The following RNF144A variants were observed in gnomAD, a reference collection of about 807,000 sequenced individuals.
RNF144A encodes the protein ring finger protein 144A.
A neutral mutation model predicts 38.7 loss-of-function variants in RNF144A; 11 were observed. The ratio of observed to expected loss-of-function variants is 0.28; its 90% CI spans 0.18 to 0.47. RNF144A has a LOEUF of 0.47. RNF144A is among the 20% of genes least tolerant of loss of function. The pLI is 0.99. For synonymous variants in RNF144A, 149 were observed against 143.9 expected (o/e 1.04, Z -0.25); for missense variants, 316 against 377.2 (o/e 0.84, Z 1.34).
At chr2:6,924,098 T>C (rs1007641764) in intron 1 of RNF144A, among the ~76,000 whole-genome samples, 2 of 152,194 alleles carry the variant, frequency 1.3e-5, no homozygotes, top group Non-Finnish European at 2.9e-5. Context: ...AGGTTCTCTC[T>C]TTAGGTCAGG....
chr2:7,024,339 T>C, intron 6 of RNF144A, 30 bp from the exon 7 acceptor site: 1 of 1,577,648 alleles, frequency 6.3e-7, no homozygotes, highest in Non-Finnish European at 8.7e-7. Flanking sequence ...GATCCGTTTG[T>C]GCAGAGTCCT....
chr2:6,922,341 G>A (rs1419988635), intron 1 of RNF144A, among the ~76,000 whole-genome samples: 2 of 152,214 alleles, frequency 1.3e-5, no homozygotes, highest in African/African-American at 4.8e-5. Flanking sequence ...AAAAGGGAAG[G>A]GTTCCAAGTC....
chr2:7,038,440 C>T (rs1398228123), intron 8 of RNF144A, among the ~76,000 whole-genome samples: 2 of 152,132 alleles, frequency 1.3e-5, no homozygotes, highest in Admixed American at 1.3e-4. Flanking sequence ...TCTTTTTCTG[C>T]CAGACAGGGT....
intron 1 of RNF144A, among the ~76,000 whole-genome samples, chr2:6,924,558 G>C (rs1245938442): frequency 6.6e-6 from 1 of 152,204 alleles, no homozygotes; most frequent in African/African-American, 2.4e-5. Flanking sequence ...AGGACGGGCA[G>C]GGTTTGTTCT....
intron 2 of RNF144A, among the ~76,000 whole-genome samples, chr2:6,978,116 G>A (rs376624181): frequency 4.6e-5 from 7 of 152,286 alleles, no homozygotes; most frequent in Middle Eastern, 3.4e-3. Flanking sequence ...GGGCACCCTC[G>A]TGAGGTAAAG....
At chr2:7,049,983 G>A (rs1246793713) in intron 6 of RNF144A, among the ~76,000 whole-genome samples, 1 of 152,138 alleles carries the variant, frequency 6.6e-6, no homozygotes, top group Admixed American at 6.5e-5. Context: ...CAATCTCCTC[G>A]GCTTTTTCAG....
chr2:6,980,684 C>A (rs964737505), intron 2 of RNF144A, among the ~76,000 whole-genome samples: 1 of 152,212 alleles, frequency 6.6e-6, no homozygotes, highest in East Asian at 1.9e-4. Context: ...CCAGTGCAAG[C>A]TGTTGGTGGA....
chr2:6,967,219 C>A (rs901501176), intron 2 of RNF144A, among the ~76,000 whole-genome samples: 4 of 152,240 alleles, frequency 2.6e-5, no homozygotes, highest in African/African-American at 9.6e-5. Context: ...CATCACTATG[C>A]ATGTAGGTCA....
intron 5 of RNF144A, 138 bp from the exon 6 acceptor site, chr2:7,020,335 T>G: frequency 1.4e-6 from 1 of 715,012 alleles, no homozygotes; most frequent in Non-Finnish European, 2.4e-6. Context: ...TGGGCGGTGC[T>G]TCGGTTGGGG....
rs1671012084 is a variant in RNF144A, at chr2:7,014,486, A to G, written c.168A>G (p.Lys56=). The G allele has an allele frequency of 6.2e-7, 1 of 1,612,328 alleles. No individual in the cohort carries two copies. The highest frequency in any genetic ancestry group is 1.7e-5 in the Admixed American group (1 of 59,634). Residue 56 remains lysine, a synonymous_variant, in exon 4 of 9, where the codon AAA becomes AAG. Coordinates refer to ENST00000320892, the MANE Select transcript of RNF144A (RefSeq NM_014746.6). ...AACAGTATGTTGAGCTCTTGATCAA[A>G]GAAGGATTAGAAACCGCAATTAGCT... The part of the protein sequence containing the change: ...CLKQYVELLI[K]EGLETAISCP...
chr2:7,054,820 C>G (rs1673668207), intron 6 of RNF144A, among the ~76,000 whole-genome samples: 2 of 152,164 alleles, frequency 1.3e-5, no homozygotes, highest in Non-Finnish European at 2.9e-5. Context: ...ATTACCCAGT[C>G]TAAGGTATTT....
At chr2:6,991,954 T>C (rs545907168) in intron 2 of RNF144A, among the ~76,000 whole-genome samples, 1 of 152,306 alleles carries the variant, frequency 6.6e-6, no homozygotes, top group Non-Finnish European at 1.5e-5. Flanking sequence ...TTCACACATA[T>C]GTCAGACTTT....
intron 1 of RNF144A, among the ~76,000 whole-genome samples, chr2:6,935,963 C>G (rs1665546969): frequency 6.6e-6 from 1 of 152,266 alleles, no homozygotes; most frequent in South Asian, 2.1e-4. Context: ...GCCTCCCTTC[C>G]TTTCTCCCAT....
the RNF144A span, among the ~76,000 whole-genome samples, chr2:7,074,221 C>G: frequency 1.2e-4 from 19 of 152,164 alleles, no homozygotes; most frequent in Non-Finnish European, 1.9e-4. Context: ...TTTCCAGGCA[C>G]CAGAGCTTTC....
intron 3 of RNF144A, among the ~76,000 whole-genome samples, chr2:6,998,508 G>T (rs1201475282): frequency 6.6e-6 from 1 of 152,198 alleles, no homozygotes; most frequent in South Asian, 2.1e-4. Context: ...GGCCCATTCT[G>T]TATCCACCTA....
At chr2:7,062,012 C>A (rs570829968) in intron 6 of RNF144A, among the ~76,000 whole-genome samples, 2 of 152,030 alleles carry the variant, frequency 1.3e-5, no homozygotes, top group African/African-American at 4.8e-5. Flanking sequence ...TGTTATTGTC[C>A]CTGAGTTGAG....
At chr2:7,004,707 A>G (rs3755509) in intron 3 of RNF144A, among the ~76,000 whole-genome samples, 46,823 of 151,786 alleles carry the variant, frequency 0.31, 7,620 homozygotes, top group African/African-American at 0.4. Flanking sequence ...CCCTTTCTCA[A>G]TTTCCCATAC....
chr2:6,940,828 TCTGA>T (rs1198393745), intron 1 of RNF144A, 116 bp from the exon 2 acceptor site: 1 of 152,238 alleles, frequency 6.6e-6, no homozygotes, highest in Non-Finnish European at 1.5e-5. Context: ...TTCACAACTG[TCTGA>T]CTGGATAAGA....
intron 8 of RNF144A, among the ~76,000 whole-genome samples, chr2:7,035,839 A>G (rs1672637426): frequency 6.6e-6 from 1 of 152,108 alleles, no homozygotes; most frequent in Non-Finnish European, 1.5e-5. Flanking sequence ...CTTACCTGGC[A>G]CTCTTGTCAA....
Sources: gnomAD v4.1 joint callset for allele counts (sites outside exome capture counted in the v4.1 genomes callset) on GRCh38, gnomAD v4.1.1 for gene constraint, MANE v1.5 for transcripts, NCBI Gene and HGNC (gene_info 2026-07-23, HGNC 2026-07-21) for gene names.